ARHGAP28: variants seen among roughly 807,000 people sequenced by gnomAD.
ARHGAP28 encodes the protein rho GTPase-activating protein 28.
In ARHGAP28, 56 loss-of-function variants were observed where a neutral mutation model predicts 90.7. The observed-to-expected ratio is 0.62, with a 90% confidence interval of 0.50 to 0.77. ARHGAP28 has a LOEUF of 0.77. Among genes scored for constraint, ARHGAP28 ranks in the 30% least tolerant of loss-of-function variants. The pLI is 0.00. For missense variants in ARHGAP28, 869 were observed against 900.9 expected (o/e 0.96, Z 0.45); for synonymous variants, 308 against 323.3 (o/e 0.95, Z 0.51).
At chr18:6,811,157 T>C (rs576170476) in intron 1 of ARHGAP28, among the ~76,000 whole-genome samples, 1 of 152,304 alleles carries the variant, frequency 6.6e-6, no homozygotes, top group Admixed American at 6.5e-5. Flanking sequence ...GTATCTACAG[T>C]ATGTGGCCAT....
chr18:6,910,196 A>G (rs1474565509), intron 17 of ARHGAP28, among the ~76,000 whole-genome samples: 1 of 152,116 alleles, frequency 6.6e-6, no homozygotes, highest in Non-Finnish European at 1.5e-5. Flanking sequence ...CACTTTCTTC[A>G]CCTGACTTCA....
intron 1 of ARHGAP28, among the ~76,000 whole-genome samples, chr18:6,810,719 GTTATA>G (rs934830930): frequency 1.3e-5 from 2 of 152,108 alleles, no homozygotes; most frequent in Non-Finnish European, 2.9e-5. Context: ...GGGAGAGGGT[GTTATA>G]TAGAGTATGA....
intron 15 of ARHGAP28, 46 bp from the exon 16 acceptor site, chr18:6,896,456 T>C: frequency 6.2e-7 from 1 of 1,606,272 alleles, no homozygotes; most frequent in South Asian, 1.1e-5. Flanking sequence ...TGAGCCGATA[T>C]TCATCCTAGT....
chr18:6,737,801 TAAAA>T (rs770490251), intron 1 of ARHGAP28, among the ~76,000 whole-genome samples: 1 of 152,140 alleles, frequency 6.6e-6, no homozygotes, highest in Non-Finnish European at 1.5e-5. Flanking sequence ...AAGTGGGAAA[TAAAA>T]AAAGTAGATT....
At chr18:6,839,450 C>T (rs566595609) in intron 3 of ARHGAP28, among the ~76,000 whole-genome samples, 62 of 152,218 alleles carry the variant, frequency 4.1e-4, no homozygotes, top group Admixed American at 2.7e-3. Flanking sequence ...CCAGCCACCA[C>T]GCCTGGCTAA....
intron 1 of ARHGAP28, among the ~76,000 whole-genome samples, chr18:6,816,898 G>T (rs957472555): frequency 6.6e-6 from 1 of 151,752 alleles, no homozygotes; most frequent in Non-Finnish European, 1.5e-5. Context: ...GATTAGTCTG[G>T]GTAACATAAC....
chr18:6,772,411 G>T (rs2056250278), intron 1 of ARHGAP28, among the ~76,000 whole-genome samples: 2 of 152,184 alleles, frequency 1.3e-5, no homozygotes, highest in Admixed American at 1.3e-4. Flanking sequence ...TCCTGACTTA[G>T]GATGGTTCGA....
chr18:6,865,569 G>A (rs186141497), intron 5 of ARHGAP28, among the ~76,000 whole-genome samples: 3 of 152,190 alleles, frequency 2.0e-5, no homozygotes, highest in Admixed American at 1.3e-4. Context: ...CTCAAACCAT[G>A]GGCAAAAACC....
Position 6,824,792 on chromosome 18 carries a change from C to T in ARHGAP28, c.153C>T (p.Asn51=). The T allele has an allele frequency of 2.6e-6, 4 of 1,535,604 alleles. No homozygotes were observed. The South Asian group carries it at 4.8e-5, about 18-fold the overall frequency. Residue 51 remains asparagine (N), a synonymous_variant, in exon 2 of 18, where the codon AAC becomes AAT. Transcript: ENST00000383472. ...RKSIPRCRRI[N]RMLSNESLHP... ...CCATTCCTCGCTGCCGAAGAATTAA[C>T]AGGATGCTCTCCAATGAATCCCTCC...
intron 2 of ARHGAP28, among the ~76,000 whole-genome samples, chr18:6,825,301 T>C (rs2056654254): frequency 6.6e-6 from 1 of 152,196 alleles, no homozygotes; most frequent in Non-Finnish European, 1.5e-5. Context: ...AGCTTTTACA[T>C]TTGTCTACTC....
chr18:6,809,846 C>A (rs569441736), intron 1 of ARHGAP28, among the ~76,000 whole-genome samples: 63 of 152,220 alleles, frequency 4.1e-4, no homozygotes, highest in African/African-American at 1.5e-3. Flanking sequence ...TTGTTCATTG[C>A]TAGATTTGCA....
intron 5 of ARHGAP28, among the ~76,000 whole-genome samples, chr18:6,865,655 G>A (rs1379749505): frequency 1.3e-5 from 2 of 152,148 alleles, no homozygotes; most frequent in East Asian, 3.9e-4. Context: ...CATTGAAAAT[G>A]TTTCGTATGG....
intron 1 of ARHGAP28, among the ~76,000 whole-genome samples, chr18:6,795,982 G>T (rs2056438900): frequency 6.6e-6 from 1 of 152,362 alleles, no homozygotes; most frequent in South Asian, 2.1e-4. Flanking sequence ...ACAAAAGCCA[G>T]ACCATCATAT....
rs117952046 is a variant in ARHGAP28 at position 6,816,680 on chromosome 18, G to A, written c.123-8082G>A. 8.4e-3 allele frequency among the ~76,000 whole-genome samples: 1,283 copies of A among 152,292 alleles called. 9 individuals carry two copies. The highest frequency in any genetic ancestry group is 0.016 in the Admixed American group (241 of 15,298). ...TGAGAGCAACGTGAAGATATTCCCT[G>A]TACATGTAGGTGGGGATGTTTTCAG... On this transcript the variant is annotated intron_variant, in intron 1 of 17. Transcript: ENST00000383472.
intron 3 of ARHGAP28, among the ~76,000 whole-genome samples, chr18:6,841,614 C>G (rs1297478940): frequency 6.6e-6 from 1 of 151,540 alleles, no homozygotes; most frequent in African/African-American, 2.4e-5. Flanking sequence ...CACATAGAAT[C>G]CCATGCTCAA....
At chr18:6,821,458 C>T (rs2056626332) in intron 1 of ARHGAP28, among the ~76,000 whole-genome samples, 1 of 152,144 alleles carries the variant, frequency 6.6e-6, no homozygotes, top group Admixed American at 6.6e-5. Flanking sequence ...CCATTTTCTC[C>T]TAATATGGTG....
Position 6,912,218 on chromosome 18 carries a change from A to G in ARHGAP28, c.*64A>G. ...AAAAAGATCCTACATTTTGGTAGGGAAAAAACAACACTGTGTTTGACGTAT... is the reference window on the plus strand; with the variant it reads ...AAAAAGATCCTACATTTTGGTAGGGGAAAAACAACACTGTGTTTGACGTAT... On this transcript the variant is annotated 3_prime_UTR_variant, in exon 18 of 18. Coordinates refer to ENST00000383472, the MANE Select transcript of ARHGAP28 (RefSeq NM_001366230.1). 2 of 925,736 alleles carry G rather than the reference A, an allele frequency of 2.2e-6. No homozygotes were observed. Among genetic ancestry groups the G allele is most frequent in the Non-Finnish European group, 3.3e-6 (2 of 600,254 alleles). 57.3% of individuals were successfully genotyped at this position (925,736 alleles called of 1,614,324 possible).
chr18:6,850,803 A>G (rs768685176), intron 3 of ARHGAP28: 9 of 1,521,470 alleles, frequency 5.9e-6, no homozygotes, highest in South Asian at 1.2e-5. Flanking sequence ...GGAAGCTAGC[A>G]GAGTTTGCTT....
intron 1 of ARHGAP28, among the ~76,000 whole-genome samples, chr18:6,788,018 G>C (rs972812004): frequency 6.6e-6 from 1 of 152,154 alleles, no homozygotes; most frequent in Admixed American, 6.5e-5. Context: ...TCCTGGCCTT[G>C]AGGCATCTGC....
Sources: allele counts gnomAD v4.1 joint callset (sites outside exome capture counted in the v4.1 genomes callset), GRCh38; gene constraint gnomAD v4.1.1; transcripts MANE v1.5; gene names NCBI Gene and HGNC (gene_info 2026-07-23, HGNC 2026-07-21).